Variants in ITSN1 observed in about 807,000 individuals in gnomAD.
ITSN1 encodes the protein intersectin-1.
Under a neutral mutation model 239.8 loss-of-function variants are expected in ITSN1, and 58 were observed. The ratio of observed to expected loss-of-function variants is 0.24; its 90% confidence interval spans 0.20 to 0.30. ITSN1 has a LOEUF of 0.30. ITSN1 is among the 10% of genes least tolerant of loss of function. ITSN1 has a pLI of 1.00. For missense variants in ITSN1, 1,558 were observed against 2,103.3 expected, an observed-to-expected ratio of 0.74 and a Z score of 5.07; for synonymous variants, 780 against 770.8, an observed-to-expected ratio of 1.01 and a Z score of -0.20.
intron 29 of ITSN1, among the ~76,000 whole-genome samples, chr21:33,856,270 G>C (rs538845275): frequency 1.3e-5 from 2 of 152,252 alleles, no homozygotes; most frequent in East Asian, 3.9e-4. Flanking sequence ...AGTTTCTAGG[G>C]TGCCCTAACA....
At chr21:33,844,251 C>G (rs192914680) in intron 29 of ITSN1, among the ~76,000 whole-genome samples, 1 of 152,366 alleles carries the variant, frequency 6.6e-6, no homozygotes, top group Non-Finnish European at 1.5e-5. Flanking sequence ...CCAGAGCCTA[C>G]TCAGCAGACT....
At position 33,882,384 on chromosome 21, in the gene ITSN1, C is replaced by A. The variant is rs779828423; in HGVS notation, c.4483C>A (p.Pro1495Thr). ...DFLLLTQITK[P>T]LGSSGTDKVF... Reference sequence around the variant, plus strand: ...CCTCCTGCTGACTCAGATCACGAAGCCTTTGGGGTCTTCTGGCACCGACAA... The same window carrying A: ...CCTCCTGCTGACTCAGATCACGAAGACTTTGGGGTCTTCTGGCACCGACAA... Residue 1495 changes from proline to threonine, a missense_variant, in exon 35 of 40, where the codon CCT becomes ACT. Pro to Thr is a conservative substitution (Grantham distance 38). Transcript: ENST00000381318. The surrounding 1 kb of genome is among the most constrained non-coding windows in gnomAD (Gnocchi z 4.5). The A allele has an allele frequency of 1.2e-6, 2 of 1,614,160 alleles. No homozygotes were observed. Among genetic ancestry groups the A allele is most frequent in the Non-Finnish European group, 1.7e-6 (2 of 1,180,044 alleles).
At chr21:33,711,013 G>A (rs186092464) in intron 1 of ITSN1, among the ~76,000 whole-genome samples, 242 of 152,016 alleles carry the variant, frequency 1.6e-3, no homozygotes, top group African/African-American at 3.4e-3. Flanking sequence ...GGATGGTCTC[G>A]ATCTCCTGAC....
At chr21:33,749,518 TG>T (rs1309946074) in intron 5 of ITSN1, among the ~76,000 whole-genome samples, 1 of 151,950 alleles carries the variant, frequency 6.6e-6, no homozygotes, top group African/African-American at 2.4e-5. Flanking sequence ...GGTGGGCACC[TG>T]TAATCCCAGC....
chr21:33,883,955 A>G (rs1053029000), intron 36 of ITSN1, among the ~76,000 whole-genome samples: 27 of 139,148 alleles, frequency 1.9e-4, no homozygotes, highest in African/African-American at 7.3e-4. Context: ...GCTGGAGTGC[A>G]GTAGTGCAGT....
At chr21:33,747,774 TAAAC>T (rs905111751) in intron 5 of ITSN1, among the ~76,000 whole-genome samples, 2 of 152,162 alleles carry the variant, frequency 1.3e-5, no homozygotes, top group Non-Finnish European at 2.9e-5. Flanking sequence ...CTTTTTCAAA[TAAAC>T]AAAGACTGAG....
intron 38 of ITSN1, among the ~76,000 whole-genome samples, 176 bp from the exon 39 acceptor site, chr21:33,886,111 C>G (rs1466912686): frequency 6.6e-6 from 1 of 151,328 alleles, no homozygotes; most frequent in Admixed American, 6.6e-5. Flanking sequence ...ATTCAGGAGA[C>G]TGAGGCAGGA....
intron 8 of ITSN1, among the ~76,000 whole-genome samples, chr21:33,757,984 C>T (rs1324917574): frequency 1.3e-5 from 2 of 152,146 alleles, no homozygotes; most frequent in East Asian, 3.9e-4. Context: ...TCAAGCAATC[C>T]TCTCACCTTA....
chr21:33,795,334 A>G (rs1332250694), intron 17 of ITSN1, among the ~76,000 whole-genome samples: 1 of 152,186 alleles, frequency 6.6e-6, no homozygotes, highest in Admixed American at 6.5e-5. Flanking sequence ...CTGTAGTCCC[A>G]GCTACTTGGG....
chr21:33,720,760 G>A (rs181361442), intron 2 of ITSN1, among the ~76,000 whole-genome samples: 12 of 152,140 alleles, frequency 7.9e-5, no homozygotes, highest in Admixed American at 6.6e-4. Flanking sequence ...GATTTTCATG[G>A]ATATTTATCA....
intron 5 of ITSN1, among the ~76,000 whole-genome samples, chr21:33,740,570 C>T (rs867218540): frequency 1.3e-5 from 2 of 152,084 alleles, no homozygotes; most frequent in African/African-American, 4.8e-5. Context: ...CCTTGACAAG[C>T]AGTTTCAGTA....
At chr21:33,735,310 T>C in intron 5 of ITSN1, 106 bp downstream of exon 5, 1 of 1,201,934 alleles carries the variant, frequency 8.3e-7, no homozygotes, top group Non-Finnish European at 1.2e-6. Context: ...TTCTAGGAGG[T>C]AATTCTGTCT....
chr21:33,857,745 T>C (rs1979634257), intron 30 of ITSN1, among the ~76,000 whole-genome samples: 1 of 152,172 alleles, frequency 6.6e-6, no homozygotes, highest in Non-Finnish European at 1.5e-5. Context: ...GTTTGACTGT[T>C]ATTAAATATG....
chr21:33,701,888 T>C (rs1568974040), intron 1 of ITSN1, among the ~76,000 whole-genome samples: 1 of 151,212 alleles, frequency 6.6e-6, no homozygotes, highest in Non-Finnish European at 1.5e-5. Context: ...GTCAACATGA[T>C]GAAACCCCGT....
At chr21:33,726,719 G>T (rs1017137546) in intron 4 of ITSN1, among the ~76,000 whole-genome samples, 14 of 151,994 alleles carry the variant, frequency 9.2e-5, no homozygotes, top group Admixed American at 5.2e-4. Context: ...ATGGGGTTTT[G>T]TCATGTTGCC....
Position 33,716,913 on chromosome 21 carries a change from G to A in ITSN1, c.-32-1884G>A, listed in dbSNP as rs114512507. On this transcript the variant is annotated intron_variant, in intron 1 of 39. Transcript: ENST00000381318. ...GTTGCAGTGAGCTGAGATCGCCTGG[G>A]CAACAAAGCAAGACTCCGTCTCAAA... Among the ~76,000 whole-genome samples, 314 of 149,314 alleles carry A rather than the reference G, an allele frequency of 2.1e-3. 1 individual carries two copies. The highest frequency in any genetic ancestry group is 7.4e-3 in the African/African-American group (301 of 40,502).
chr21:33,867,429 AC>A (rs1448508586), intron 33 of ITSN1, 98 bp downstream of exon 33: 3 of 747,086 alleles, frequency 4.0e-6, no homozygotes, highest in Non-Finnish European at 4.8e-6. Flanking sequence ...ATATCTGGTA[AC>A]TGTTGTGTAG....
At chr21:33,860,142 A>G (rs191398985) in intron 31 of ITSN1, among the ~76,000 whole-genome samples, 1 of 152,074 alleles carries the variant, frequency 6.6e-6, no homozygotes, top group Non-Finnish European at 1.5e-5. Flanking sequence ...CCCCATCTGT[A>G]CCAAAAATAC....
At chr21:33,713,921 G>A (rs945932546) in intron 1 of ITSN1, among the ~76,000 whole-genome samples, 10 of 128,374 alleles carry the variant, frequency 7.8e-5, no homozygotes, top group African/African-American at 2.7e-4. Context: ...TGCAACCTCC[G>A]GCTCTCGGGT....
Sources: allele counts gnomAD v4.1 joint callset (sites outside exome capture counted in the v4.1 genomes callset), GRCh38; gene constraint gnomAD v4.1.1; non-coding constraint Gnocchi (gnomAD v3.1); transcripts MANE v1.5; gene names NCBI Gene and HGNC (gene_info 2026-07-23, HGNC 2026-07-21).